PAAF1: variants seen among roughly 807,000 people sequenced by gnomAD.
PAAF1 encodes proteasomal ATPase associated factor 1.
In PAAF1, 46 loss-of-function variants were observed where a neutral mutation model predicts 52.8. That is an observed-to-expected ratio of 0.87 (90% CI 0.69 to 1.11). The LOEUF (loss-of-function observed/expected upper bound fraction) is 1.11, where lower values mean the gene tolerates loss of function less well. Among genes scored for constraint, PAAF1 ranks in the 50% most tolerant of loss-of-function variants. PAAF1 has a pLI of 0.00. For synonymous variants in PAAF1, 178 were observed against 172.8 expected (o/e 1.03, Z -0.24); for missense variants, 424 against 477.4 (o/e 0.89, Z 1.04).
At chr11:73,914,633 G>A (rs1431658390) in intron 8 of PAAF1, 129 bp downstream of exon 8, 4 of 661,196 alleles carry the variant, frequency 6.0e-6, no homozygotes, top group African/African-American at 1.8e-5. Flanking sequence ...TGAGTAAGAG[G>A]CAGTACAGTG....
chr11:73,909,921 T>C (rs149355526), intron 7 of PAAF1, among the ~76,000 whole-genome samples: 6 of 152,220 alleles, frequency 3.9e-5, no homozygotes, highest in African/African-American at 1.4e-4. Flanking sequence ...ATACACAACA[T>C]TGATGATAGC....
At chr11:73,896,724 C>G (rs909459132) in intron 4 of PAAF1, among the ~76,000 whole-genome samples, 2 of 152,214 alleles carry the variant, frequency 1.3e-5, no homozygotes, top group African/African-American at 4.8e-5. Context: ...GGCAACCATC[C>G]GATTCTCAAT....
intron 6 of PAAF1, among the ~76,000 whole-genome samples, chr11:73,906,075 G>T (rs1358311855): frequency 6.6e-6 from 1 of 152,106 alleles, no homozygotes; most frequent in African/African-American, 2.4e-5. Context: ...ATACTTTAGT[G>T]ACCAATTGCA....
chr11:73,919,731 A>G (rs1409310038), intron 10 of PAAF1, among the ~76,000 whole-genome samples: 3 of 152,208 alleles, frequency 2.0e-5, no homozygotes, highest in Non-Finnish European at 4.4e-5. Flanking sequence ...GGGACACTGG[A>G]TCCTTGTAGG....
chr11:73,910,348 A>G (rs1949893269), intron 7 of PAAF1, among the ~76,000 whole-genome samples: 1 of 152,216 alleles, frequency 6.6e-6, no homozygotes, highest in East Asian at 1.9e-4. Flanking sequence ...TTGAAGTTGA[A>G]CAGACAGTAA....
Position 73,899,408 on chromosome 11 carries a change from C to CTTTT in PAAF1, c.381+184_381+187dup, listed in dbSNP as rs71065053. Among the ~76,000 whole-genome samples the CTTTT allele has an allele frequency of 7.8e-4, 79 of 101,196 alleles. 1 individual carries two copies. Among genetic ancestry groups the CTTTT allele is most frequent in the African/African-American group, 1.7e-3 (44 of 25,934 alleles). 66.4% of individuals were successfully genotyped at this position (101,196 alleles called of 152,430 possible). On this transcript the variant is annotated intron_variant, in intron 5 of 11. Coordinates refer to ENST00000310571, the MANE Select transcript of PAAF1 (RefSeq NM_025155.3). ...TTTGTGTGTTTCTTTTTCTTTTTCTCTTTTTTTTTTTTTTTTTTTTTTTGA... is the reference window on the plus strand; with the variant it reads ...TTTGTGTGTTTCTTTTTCTTTTTCTCTTTTTTTTTTTTTTTTTTTTTTTTTTTGA...
chr11:73,899,583 T>C (rs1949537874), intron 5 of PAAF1, among the ~76,000 whole-genome samples: 1 of 152,230 alleles, frequency 6.6e-6, no homozygotes, highest in East Asian at 1.9e-4. Context: ...ATCTAATTTT[T>C]GTATTTTTAG....
At chr11:73,920,818 C>T (rs535964442) in intron 10 of PAAF1, among the ~76,000 whole-genome samples, 57 of 148,532 alleles carry the variant, frequency 3.8e-4, no homozygotes, top group African/African-American at 1.1e-3. Context: ...CGCCACTGCA[C>T]TCCAGCCTGG....
At chr11:73,922,690 G>A (rs542947593) in intron 10 of PAAF1, among the ~76,000 whole-genome samples, 123 of 152,146 alleles carry the variant, frequency 8.1e-4, no homozygotes, top group Middle Eastern at 3.4e-3. Context: ...CATGGCGGGC[G>A]CCTGTAGTCC....
chr11:73,891,320 G>A, intron 4 of PAAF1, 119 bp downstream of exon 4: 2 of 616,208 alleles, frequency 3.2e-6, no homozygotes, highest in South Asian at 2.0e-5. Context: ...ACTTTGCATT[G>A]TAAGATGATA....
intron 3 of PAAF1, chr11:73,888,867 CCTCCTAGAATGGTTA>C (rs367870596): frequency 2.4e-4 from 98 of 412,026 alleles, no homozygotes; most frequent in Non-Finnish European, 4.0e-4. Flanking sequence ...TCCTATTCTA[CCTCCTAGAATGGTTA>C]ATGGGGAATG....
At chr11:73,924,724 T>C in intron 11 of PAAF1, 27 bp downstream of exon 11, 4 of 1,581,222 alleles carry the variant, frequency 2.5e-6, no homozygotes, top group Non-Finnish European at 3.5e-6. Flanking sequence ...ACACCAGACC[T>C]GGGTGATTCT....
At chr11:73,903,809 C>T (rs1228973424) in intron 6 of PAAF1, among the ~76,000 whole-genome samples, 5 of 150,918 alleles carry the variant, frequency 3.3e-5, no homozygotes, top group South Asian at 2.1e-4. Flanking sequence ...ATTGGCCGGG[C>T]GCAGCGTCTC....
intron 6 of PAAF1, among the ~76,000 whole-genome samples, chr11:73,903,366 G>A (rs1052544716): frequency 2.0e-5 from 3 of 152,158 alleles, no homozygotes; most frequent in South Asian, 2.1e-4. Context: ...TAGATTGACC[G>A]ATCATCACTG....
rs2135175572 is a variant in PAAF1 at position 73,900,447 on chromosome 11, C to T, written c.532+27C>T. 2.6e-6 allele frequency: 4 copies of T among 1,524,360 alleles called. 1 individual carries two copies. In the South Asian group the frequency reaches 5.1e-5, roughly 20 times the overall value. The allele number at this position is 1,524,360 out of a possible 1,614,324, so 94.4% of individuals were successfully genotyped here. On this transcript the variant is annotated intron_variant, in intron 6 of 11. Coordinates refer to ENST00000310571, the MANE Select transcript of PAAF1 (RefSeq NM_025155.3). ...TATGAAGTGTGCTTTCTCCAAAAGG[C>T]TTCTCTAATGATCCCCAGAAATGAA...
chr11:73,911,555 A>G (rs1202846852), intron 7 of PAAF1, among the ~76,000 whole-genome samples: 2 of 150,682 alleles, frequency 1.3e-5, no homozygotes, highest in African/African-American at 2.4e-5. Flanking sequence ...TCTTCAACCC[A>G]TTCTAGGATG....
intron 2 of PAAF1, 73 bp downstream of exon 2, chr11:73,878,892 C>A: frequency 6.9e-7 from 1 of 1,445,894 alleles, no homozygotes; most frequent in Non-Finnish European, 9.6e-7. Context: ...AAGCTTCCTA[C>A]TTTCTCCTGG....
At chr11:73,911,590 A>T (rs1949930921) in intron 7 of PAAF1, among the ~76,000 whole-genome samples, 1 of 149,920 alleles carries the variant, frequency 6.7e-6, no homozygotes, top group Non-Finnish European at 1.5e-5. Flanking sequence ...ACTTGACTGA[A>T]ATGGCTGTTG....
chr11:73,913,323 G>A (rs914682482), intron 7 of PAAF1, among the ~76,000 whole-genome samples: 2 of 152,154 alleles, frequency 1.3e-5, no homozygotes, highest in African/African-American at 2.4e-5. Context: ...GGCTGGACGT[G>A]GTAGCTCACG....
Sources: allele counts gnomAD v4.1 joint callset (sites outside exome capture counted in the v4.1 genomes callset), GRCh38; gene constraint gnomAD v4.1.1; transcripts MANE v1.5; gene names NCBI Gene and HGNC (gene_info 2026-07-23, HGNC 2026-07-21).